ANO10: variants seen among roughly 807,000 people sequenced by gnomAD.
The protein encoded by ANO10 is anoctamin-10.
ANO10 carries 77 observed loss-of-function variants against 74.7 expected under a neutral mutation model. That is an observed-to-expected ratio of 1.03 (90% CI 0.86 to 1.25). The LOEUF is 1.25. ANO10 is among the 50% of genes most tolerant of loss of function. ANO10 has a pLI of 0.00. For missense variants in ANO10, 721 were observed against 778.1 expected (o/e 0.93, Z 0.87); for synonymous variants, 279 against 284.9 (o/e 0.98, Z 0.21).
In ANO10 at chr3:43,456,691, A is replaced by T. The variant is rs574968437; in HGVS notation, c.1798-23964T>A. 4.1e-4 allele frequency among the ~76,000 whole-genome samples: 62 copies of T among 152,352 alleles called. 1 individual carries two copies. In the South Asian group the frequency reaches 0.012, roughly 31 times the overall value. ...TTTAAATAAGTGAAAGGTGGAAGGGAAGGACATATATCAAATATACCATTG... is the reference window on the plus strand; with the variant it reads ...TTTAAATAAGTGAAAGGTGGAAGGGTAGGACATATATCAAATATACCATTG... On this transcript the variant is annotated intron_variant, in intron 11 of 12. Coordinates refer to ENST00000292246, the MANE Select transcript of ANO10 (RefSeq NM_018075.5).
intron 1 of ANO10, among the ~76,000 whole-genome samples, chr3:43,610,399 A>G (rs945349606): frequency 1.3e-5 from 2 of 152,212 alleles, no homozygotes; most frequent in African/African-American, 4.8e-5. Context: ...AATGATTAAG[A>G]GTATAGTATA....
chr3:43,524,016 T>G lies in ANO10; in HGVS notation c.1797+25704A>C, dbSNP rs546568201. The stretch of plus-strand genomic sequence containing the variant: ...AGGGGCCACAGTGGAAGCCATGGGG[T>G]AGATAAGCTCACCTAGGGGCTACAC... On this transcript the variant is annotated intron_variant, in intron 11 of 12. Coordinates refer to ENST00000292246, the MANE Select transcript of ANO10 (RefSeq NM_018075.5). 6.6e-5 allele frequency among the ~76,000 whole-genome samples: 10 copies of G among 151,682 alleles called. No homozygotes were observed. The South Asian group carries it at 2.1e-3, about 32-fold the overall frequency.
chr3:43,605,786 G>C lies in ANO10; in HGVS notation c.67C>G (p.Leu23Val). ...GTTTCTTCTTTGACATCCTGAGCAA[G>C]TTCTATGACCACCAAAGGTGTGAAA... Reference protein sequence around the residue: ...SSFTPLVVIELAQDVKEETKE... With the variant: ...SSFTPLVVIEVAQDVKEETKE... The change falls in exon 2 of 13, where the codon CTT becomes GTT. Residue 23 changes from leucine (L) to valine (V), a missense_variant. By Grantham distance (32) the Leu-to-Val change is conservative. Transcript: ENST00000292246. 1.2e-6 allele frequency: 2 copies of C among 1,613,638 alleles called. No individual in the cohort carries two copies. Among genetic ancestry groups the C allele is most frequent in the Non-Finnish European group, 1.7e-6 (2 of 1,179,746 alleles).
intron 11 of ANO10, among the ~76,000 whole-genome samples, chr3:43,450,746 C>T (rs1334531644): frequency 1.3e-5 from 2 of 152,176 alleles, no homozygotes; most frequent in East Asian, 1.9e-4. Flanking sequence ...AGGTACCCTG[C>T]ACTCTGGAAA....
rs376573390 is a variant in ANO10 at position 43,580,613 on chromosome 3, T to G, written c.473-141A>C. ...ATACTGCCTACTCCAAACCTGTATA[T>G]TCTTTCATTTTTCAGAATGTAAATA... On this transcript the variant is annotated intron_variant, in intron 4 of 12. Transcript: ENST00000292246. 3 of 971,608 alleles carry G rather than the reference T, an allele frequency of 3.1e-6. No individual in the cohort carries two copies. In the African/African-American group the frequency reaches 4.9e-5, roughly 16 times the overall value. The allele number at this position is 971,608 out of a possible 1,614,324, so 60.2% of individuals were successfully genotyped here.
chr3:43,607,778 A>G lies in ANO10; in HGVS notation c.-11-1915T>C, dbSNP rs528612089. On this transcript the variant is annotated intron_variant, in intron 1 of 12. Transcript: ENST00000292246. ...GATCATATATTCAAAGAACTAAAAG[A>G]CAAGATTGATAATTTTGGCAAAGAA... Among the ~76,000 whole-genome samples, 80 of 152,224 alleles carry G rather than the reference A, an allele frequency of 5.3e-4. 1 individual carries two copies. The highest frequency in any genetic ancestry group is 6.3e-4 in the Non-Finnish European group (43 of 68,032).
intron 11 of ANO10, among the ~76,000 whole-genome samples, chr3:43,508,091 GAGAATAAAAAA>G (rs1213266840): frequency 6.6e-6 from 1 of 151,928 alleles, no homozygotes; most frequent in Non-Finnish European, 1.5e-5. Flanking sequence ...GAAGAAGGTA[GAGAATAAAAAA>G]AGAATAAAAA....
chr3:43,525,026 A>C (rs1052531615), intron 11 of ANO10, among the ~76,000 whole-genome samples: 1 of 152,176 alleles, frequency 6.6e-6, no homozygotes, highest in South Asian at 2.1e-4. Flanking sequence ...ACCATCCTCC[A>C]AGTTGAGCAA....
chr3:43,588,551 T>C (rs1575491313), intron 4 of ANO10, among the ~76,000 whole-genome samples: 1 of 113,620 alleles, frequency 8.8e-6, no homozygotes, highest in Non-Finnish European at 1.7e-5. Context: ...TTACTTAGTA[T>C]AAATTTACTT....
chr3:43,540,571 T>A (rs2078910632), intron 11 of ANO10, among the ~76,000 whole-genome samples: 1 of 152,234 alleles, frequency 6.6e-6, no homozygotes, highest in African/African-American at 2.4e-5. Context: ...CTCCATTCCA[T>A]TTCATTAAAT....
intron 4 of ANO10, among the ~76,000 whole-genome samples, chr3:43,583,034 C>T (rs1428943980): frequency 6.6e-6 from 1 of 152,126 alleles, no homozygotes; most frequent in Non-Finnish European, 1.5e-5. Context: ...TTTACTATTT[C>T]TAAGTTCTCT....
intron 7 of ANO10, among the ~76,000 whole-genome samples, chr3:43,572,655 T>C (rs944214801): frequency 6.6e-6 from 1 of 152,196 alleles, no homozygotes; most frequent in African/African-American, 2.4e-5. Flanking sequence ...GTGCCATCTC[T>C]TCCAGGAGTT....
At chr3:43,442,694 TAAAA>T (rs1302212963) in intron 11 of ANO10, among the ~76,000 whole-genome samples, 2 of 152,198 alleles carry the variant, frequency 1.3e-5, no homozygotes, top group Admixed American at 6.5e-5. Flanking sequence ...GCAAACTTCT[TAAAA>T]GGCCACGGAA....
Position 43,611,974 on chromosome 3 carries a change from A to G in ANO10, c.-11-6111T>C, listed in dbSNP as rs192731035. ...AAACAAAACACTTCCATTTAAATTC[A>G]AAGTTATCATAGACTCTTTCCTTGG... On this transcript the variant is annotated intron_variant, in intron 1 of 12. Transcript: ENST00000292246. Among the ~76,000 whole-genome samples, 1,354 of 151,700 alleles carry G rather than the reference A, an allele frequency of 8.9e-3. 5 individuals carry two copies. The highest frequency in any genetic ancestry group is 0.017 in the South Asian group (81 of 4,796).
intron 4 of ANO10, among the ~76,000 whole-genome samples, chr3:43,581,282 C>G (rs1399136169): frequency 6.6e-6 from 1 of 152,218 alleles, no homozygotes; most frequent in Non-Finnish European, 1.5e-5. Context: ...AAAGCTTACA[C>G]TCACAAATAG....
chr3:43,423,018 C>G (rs1191716939), intron 12 of ANO10, among the ~76,000 whole-genome samples: 2 of 151,422 alleles, frequency 1.3e-5, no homozygotes, highest in Non-Finnish European at 2.9e-5. Flanking sequence ...GTGCAAAGTA[C>G]AAACTATTTT....
chr3:43,567,985 G>A (rs1429734764), intron 7 of ANO10, among the ~76,000 whole-genome samples: 1 of 151,878 alleles, frequency 6.6e-6, no homozygotes, highest in Non-Finnish European at 1.5e-5. Flanking sequence ...AAGGATGGAG[G>A]AAGATCTACC....
chr3:43,567,281 T>G (rs1021651115), intron 7 of ANO10, among the ~76,000 whole-genome samples: 2 of 151,784 alleles, frequency 1.3e-5, no homozygotes, highest in African/African-American at 4.8e-5. Flanking sequence ...CCAGGAGAAC[T>G]TCCCCAATCT....
chr3:43,457,649 G>T (rs1415231892), intron 11 of ANO10, among the ~76,000 whole-genome samples: 1 of 152,068 alleles, frequency 6.6e-6, no homozygotes, highest in Admixed American at 6.6e-5. Flanking sequence ...GATTTGGGTG[G>T]GAACACAGAG....
Sources: gnomAD v4.1 joint callset for allele counts (sites outside exome capture counted in the v4.1 genomes callset) on GRCh38, gnomAD v4.1.1 for gene constraint, MANE v1.5 for transcripts, NCBI Gene and HGNC (gene_info 2026-07-23, HGNC 2026-07-21) for gene names.